SMYD3: variants seen among roughly 807,000 people sequenced by gnomAD.
SMYD3 encodes the protein SET and MYND domain containing 3, also known as histone-lysine N-methyltransferase SMYD3.
Under a neutral mutation model 57.7 loss-of-function variants are expected in SMYD3, and 36 were observed. That is an observed-to-expected ratio of 0.62 (90% CI 0.48 to 0.82). The LOEUF (loss-of-function observed/expected upper bound fraction) is 0.82, where lower values mean the gene tolerates loss of function less well. Ranked by LOEUF, SMYD3 falls within the 40% of genes least tolerant of loss-of-function variation. The pLI is 0.00. For synonymous variants in SMYD3, 211 were observed against 195.0 expected (o/e 1.08, Z -0.68); for missense variants, 515 against 538.8 (o/e 0.96, Z 0.44).
At chr1:246,382,796 A>C (rs1408468540) in intron 1 of SMYD3, among the ~76,000 whole-genome samples, 1 of 151,950 alleles carries the variant, frequency 6.6e-6, no homozygotes, top group African/African-American at 2.4e-5. Flanking sequence ...ACCCCCATGG[A>C]CTCAAACTCA....
At chr1:246,456,786 C>T (rs190172812) in intron 1 of SMYD3, among the ~76,000 whole-genome samples, 100 of 152,224 alleles carry the variant, frequency 6.6e-4, no homozygotes, top group Admixed American at 1.8e-3. Context: ...GGAGTCATTG[C>T]AAGGTTGGAA....
At chr1:246,395,518 C>A (rs576632123) in intron 1 of SMYD3, among the ~76,000 whole-genome samples, 1 of 152,148 alleles carries the variant, frequency 6.6e-6, no homozygotes, top group Non-Finnish European at 1.5e-5. Flanking sequence ...CTGGCTGTTA[C>A]GTGCCTCTCA....
At chr1:246,283,270 G>T (rs568591335) in intron 5 of SMYD3, among the ~76,000 whole-genome samples, 120 of 152,308 alleles carry the variant, frequency 7.9e-4, no homozygotes, top group African/African-American at 2.6e-3. Flanking sequence ...TGCCAAGAGT[G>T]TAACAGTGAG....
In SMYD3 at chr1:246,234,644, A is replaced by G. The variant is rs979513857; in HGVS notation, c.531+92557T>C. Among the ~76,000 whole-genome samples, 9 of 89,528 alleles carry G rather than the reference A, an allele frequency of 1.0e-4. No homozygotes were observed. The Admixed American group carries it at 1.0e-3, about 10-fold the overall frequency. The allele number at this position is 89,528 out of a possible 152,430, so 58.7% of individuals were successfully genotyped here. A position where few individuals can be genotyped will look rare whatever the true frequency, so the allele number is the denominator to read the frequency against. ...TGGCTATTGGCCTATCCATGCCACT[A>G]TGTAGTTTACATTTTAGTATCTTAA... On this transcript the variant is annotated intron_variant, in intron 5 of 11. Coordinates refer to ENST00000490107, the MANE Select transcript of SMYD3 (RefSeq NM_001167740.2).
intron 10 of SMYD3, among the ~76,000 whole-genome samples, chr1:245,768,475 G>A (rs1047521155): frequency 1.2e-4 from 19 of 152,212 alleles, no homozygotes; most frequent in African/African-American, 3.9e-4. Flanking sequence ...TTGGTCCTAC[G>A]TGACACAATT....
intron 5 of SMYD3, among the ~76,000 whole-genome samples, chr1:246,046,052 C>T (rs1044716055): frequency 6.6e-5 from 10 of 152,116 alleles, no homozygotes; most frequent in Non-Finnish European, 1.3e-4. Flanking sequence ...TCAACCATTG[C>T]GGAAGACAGT....
chr1:245,764,947 G>A (rs1267041569), intron 10 of SMYD3, among the ~76,000 whole-genome samples: 2 of 151,802 alleles, frequency 1.3e-5, no homozygotes, highest in African/African-American at 4.8e-5. Context: ...CCAAATATGA[G>A]CAGTTTGGCC....
At chr1:245,950,589 T>C (rs115185759) in intron 5 of SMYD3, among the ~76,000 whole-genome samples, 1,620 of 152,318 alleles carry the variant, frequency 0.011, 18 homozygotes, top group Admixed American at 0.034. Flanking sequence ...ACCACCACTT[T>C]CAGCGTCATA....
intron 8 of SMYD3, among the ~76,000 whole-genome samples, chr1:245,880,819 C>A (rs1445839407): frequency 6.6e-6 from 1 of 152,212 alleles, no homozygotes; most frequent in Non-Finnish European, 1.5e-5. Flanking sequence ...AGGGGCAGAA[C>A]TAAGACCCTG....
intron 7 of SMYD3, among the ~76,000 whole-genome samples, chr1:245,927,700 T>C (rs1012163372): frequency 6.6e-6 from 1 of 152,166 alleles, no homozygotes; most frequent in African/African-American, 2.4e-5. Flanking sequence ...GGACAGGAAC[T>C]GTCATCATCC....
At chr1:245,849,318 A>C (rs2050831905) in intron 10 of SMYD3, among the ~76,000 whole-genome samples, 1 of 152,192 alleles carries the variant, frequency 6.6e-6, no homozygotes, top group Non-Finnish European at 1.5e-5. Flanking sequence ...TATCAGAAAG[A>C]GCAGGATTTG....
At chr1:246,397,952 G>A (rs1225698411) in intron 1 of SMYD3, among the ~76,000 whole-genome samples, 2 of 150,980 alleles carry the variant, frequency 1.3e-5, no homozygotes, top group Admixed American at 1.3e-4. Flanking sequence ...GGAGAGGGGA[G>A]GGGAGGGGAG....
At chr1:245,764,195 G>T (rs200549323) in intron 10 of SMYD3, 46 bp from the exon 11 acceptor site, 25 of 1,321,858 alleles carry the variant, frequency 1.9e-5, no homozygotes, top group African/African-American at 4.3e-5. Flanking sequence ...CCTCACCTTT[G>T]CAGTCAGCAT....
intron 5 of SMYD3, among the ~76,000 whole-genome samples, chr1:246,124,809 A>G (rs1176097008): frequency 6.6e-6 from 1 of 151,244 alleles, no homozygotes; most frequent in Non-Finnish European, 1.5e-5. Context: ...CAGGCCACCC[A>G]TGACACTGTA....
intron 5 of SMYD3, among the ~76,000 whole-genome samples, chr1:246,153,411 A>AGGAGGGAG (rs1234410532): frequency 1.0e-5 from 1 of 100,234 alleles, no homozygotes; most frequent in Non-Finnish European, 1.9e-5. Context: ...GAGATAGGGA[A>AGGAGGGAG]GGAGGGAGGG....
At chr1:245,959,307 A>C (rs534323863) in intron 5 of SMYD3, among the ~76,000 whole-genome samples, 13 of 152,288 alleles carry the variant, frequency 8.5e-5, no homozygotes, top group African/African-American at 2.9e-4. Context: ...GCAAGCCAAG[A>C]CATCCATGCT....
intron 5 of SMYD3, among the ~76,000 whole-genome samples, chr1:246,213,317 A>T (rs925978538): frequency 2.0e-5 from 3 of 152,146 alleles, no homozygotes; most frequent in Non-Finnish European, 4.4e-5. Context: ...TGCATTATCA[A>T]AGGAGGAAAC....
At chr1:245,991,233 G>A (rs10924429) in intron 5 of SMYD3, among the ~76,000 whole-genome samples, 77,669 of 152,040 alleles carry the variant, frequency 0.51, 23,542 homozygotes, top group Middle Eastern at 0.69. Context: ...GAATCCTGAG[G>A]GTTTCCTGCC....
At chr1:246,179,724 G>A (rs979180415) in intron 5 of SMYD3, among the ~76,000 whole-genome samples, 1 of 152,128 alleles carries the variant, frequency 6.6e-6, no homozygotes, top group East Asian at 1.9e-4. Context: ...AGTATATGAA[G>A]GGATACTACA....
Sources: allele counts gnomAD v4.1 joint callset (sites outside exome capture counted in the v4.1 genomes callset), GRCh38; gene constraint gnomAD v4.1.1; transcripts MANE v1.5; gene names NCBI Gene and HGNC (gene_info 2026-07-23, HGNC 2026-07-21).